Variants in LRMDA observed in about 807,000 individuals in gnomAD.
LRMDA encodes leucine rich melanocyte differentiation associated, also known as leucine-rich melanocyte differentiation-associated protein.
LRMDA carries 18 observed loss-of-function variants against 29.8 expected under a neutral mutation model. That is an observed-to-expected ratio of 0.60 (90% CI 0.42 to 0.90). The LOEUF (loss-of-function observed/expected upper bound fraction) is 0.90. Ranked by LOEUF, LRMDA falls within the 40% of genes least tolerant of loss-of-function variation. LRMDA has a pLI of 0.00. For missense variants in LRMDA, 273 were observed against 273.9 expected (o/e 1.00, Z 0.02); for synonymous variants, 125 against 109.4 (o/e 1.14, Z -0.89).
At chr10:75,752,034 A>T (rs932304499) in intron 2 of LRMDA, among the ~76,000 whole-genome samples, 17 of 148,662 alleles carry the variant, frequency 1.1e-4, no homozygotes, top group Admixed American at 6.7e-4. Flanking sequence ...AAAATAAATA[A>T]ATATATATAT....
At chr10:76,014,125 AT>A (rs1491265057) in intron 2 of LRMDA, among the ~76,000 whole-genome samples, 1 of 125,698 alleles carries the variant, frequency 8.0e-6, no homozygotes, top group Non-Finnish European at 1.6e-5. Flanking sequence ...TATATATATA[AT>A]TATATATATA....
At chr10:75,876,945 AT>A (rs1018432008) in intron 2 of LRMDA, among the ~76,000 whole-genome samples, 1 of 151,934 alleles carries the variant, frequency 6.6e-6, no homozygotes, top group Non-Finnish European at 1.5e-5. Flanking sequence ...GAGTGTGAAA[AT>A]TTGCTTTTCT....
At chr10:75,902,458 C>T (rs564768898) in intron 2 of LRMDA, among the ~76,000 whole-genome samples, 1 of 152,214 alleles carries the variant, frequency 6.6e-6, no homozygotes, top group Admixed American at 6.5e-5. Flanking sequence ...GCTCTAGTTA[C>T]TTGGATCTAA....
At chr10:75,576,872 C>T (rs1424667096) in intron 2 of LRMDA, among the ~76,000 whole-genome samples, 2 of 152,156 alleles carry the variant, frequency 1.3e-5, no homozygotes, top group Non-Finnish European at 2.9e-5. Context: ...CTCAAAGACC[C>T]CAGCCGAAGG....
chr10:75,913,078 TC>T (rs1462890287), intron 2 of LRMDA, among the ~76,000 whole-genome samples: 1 of 152,136 alleles, frequency 6.6e-6, no homozygotes, highest in Non-Finnish European at 1.5e-5. Context: ...CCTTTCTGGG[TC>T]CCTTCCCACC....
intron 2 of LRMDA, among the ~76,000 whole-genome samples, chr10:75,969,555 A>G (rs969377273): frequency 6.6e-6 from 1 of 152,230 alleles, no homozygotes; most frequent in African/African-American, 2.4e-5. Context: ...GCTTACATCA[A>G]TTTATGTTCA....
chr10:76,525,123 G>A (rs1490472521), intron 6 of LRMDA, among the ~76,000 whole-genome samples: 2 of 152,156 alleles, frequency 1.3e-5, no homozygotes, highest in African/African-American at 4.8e-5. Flanking sequence ...AGGGACAGGG[G>A]TTGTGATACT....
intron 2 of LRMDA, among the ~76,000 whole-genome samples, chr10:75,710,613 T>G (rs1393115140): frequency 6.6e-6 from 1 of 152,248 alleles, no homozygotes; most frequent in Non-Finnish European, 1.5e-5. Flanking sequence ...TTCCCCCCGC[T>G]TCCCCTGGTC....
intron 5 of LRMDA, among the ~76,000 whole-genome samples, chr10:76,103,230 T>C (rs73283373): frequency 0.02 from 3,037 of 152,340 alleles, 113 homozygotes; most frequent in African/African-American, 0.069. Flanking sequence ...TTTAAGACTT[T>C]CCTAGCAATT....
chr10:76,180,523 C>T (rs1374462396), intron 5 of LRMDA, among the ~76,000 whole-genome samples: 2 of 152,024 alleles, frequency 1.3e-5, no homozygotes, highest in East Asian at 1.9e-4. Flanking sequence ...TCGTGATCCT[C>T]CTGCCTCGGC....
At chr10:76,271,978 A>C (rs1051678841) in intron 5 of LRMDA, among the ~76,000 whole-genome samples, 1 of 152,206 alleles carries the variant, frequency 6.6e-6, no homozygotes, top group East Asian at 1.9e-4. Flanking sequence ...TTATGTGTGC[A>C]GTCACTCAGT....
Position 75,795,456 on chromosome 10 carries a change from T to C in LRMDA, c.132-240552T>C, listed in dbSNP as rs567004663. On this transcript the variant is annotated intron_variant, in intron 2 of 6. Coordinates refer to ENST00000611255, the MANE Select transcript of LRMDA (RefSeq NM_001305581.2). ...AAAAAGAATTGAGAGTCTGTGTGTATATCTAGTTGTTTCAGCCCCATTTAT... is the reference window on the plus strand; with the variant it reads ...AAAAAGAATTGAGAGTCTGTGTGTACATCTAGTTGTTTCAGCCCCATTTAT... 6.6e-5 allele frequency among the ~76,000 whole-genome samples: 10 copies of C among 152,224 alleles called. No homozygotes were observed. In the East Asian group the frequency reaches 1.9e-3, roughly 29 times the overall value.
intron 2 of LRMDA, among the ~76,000 whole-genome samples, chr10:75,924,785 T>G (rs1589255180): frequency 2.7e-5 from 4 of 148,594 alleles, no homozygotes; most frequent in African/African-American, 5.0e-5. Context: ...AGGCAGGGAG[T>G]GGGAAGGAGG....
intron 5 of LRMDA, among the ~76,000 whole-genome samples, chr10:76,100,311 G>A (rs1849376282): frequency 6.6e-6 from 1 of 152,130 alleles, no homozygotes; most frequent in African/African-American, 2.4e-5. Flanking sequence ...AATCTATTGG[G>A]CAAAAAGGAA....
chr10:76,383,461 T>G (rs1333651383), intron 6 of LRMDA, among the ~76,000 whole-genome samples: 1 of 131,536 alleles, frequency 7.6e-6, no homozygotes, highest in Non-Finnish European at 1.5e-5. Context: ...TCTCGCTCTG[T>G]CGCCCAGGCC....
At chr10:75,897,876 G>T (rs1845610583) in intron 2 of LRMDA, among the ~76,000 whole-genome samples, 1 of 127,530 alleles carries the variant, frequency 7.8e-6, no homozygotes, top group Non-Finnish European at 1.5e-5. Context: ...AGGCTGTAGT[G>T]CAGTGGCACA....
intron 2 of LRMDA, among the ~76,000 whole-genome samples, chr10:75,937,303 C>A (rs1016428041): frequency 6.6e-6 from 1 of 152,310 alleles, no homozygotes; most frequent in South Asian, 2.1e-4. Context: ...TTAAGCCAAG[C>A]AACTCCTTTT....
chr10:76,217,099 G>A (rs1316733033), intron 5 of LRMDA, among the ~76,000 whole-genome samples: 1 of 151,770 alleles, frequency 6.6e-6, no homozygotes, highest in Non-Finnish European at 1.5e-5. Context: ...GAGGAGAAAA[G>A]GAAAAATTTT....
chr10:75,667,959 A>G (rs892520378), intron 2 of LRMDA, among the ~76,000 whole-genome samples: 1 of 152,202 alleles, frequency 6.6e-6, no homozygotes, highest in East Asian at 1.9e-4. Flanking sequence ...TTACACTACT[A>G]TCAACAGCAA....
Sources: gnomAD v4.1 joint callset for allele counts (sites outside exome capture counted in the v4.1 genomes callset) on GRCh38, gnomAD v4.1.1 for gene constraint, MANE v1.5 for transcripts, NCBI Gene and HGNC (gene_info 2026-07-23, HGNC 2026-07-21) for gene names.